Variants in C12orf42 observed in about 807,000 individuals in gnomAD.
The protein encoded by C12orf42 is uncharacterized protein C12orf42.
C12orf42 carries 25 observed loss-of-function variants against 21.6 expected under a neutral mutation model. That is an observed-to-expected ratio of 1.16 (90% CI 0.84 to 1.62). The LOEUF (loss-of-function observed/expected upper bound fraction) is 1.62, where lower values mean the gene tolerates loss of function less well. Ranked by LOEUF, C12orf42 falls within the 40% of genes most tolerant of loss-of-function variation. The pLI, the probability that C12orf42 is intolerant of heterozygous loss-of-function variation, is 0.00. For missense variants in C12orf42, 483 were observed against 459.3 expected, an observed-to-expected ratio of 1.05 and a Z score of -0.47; for synonymous variants, 174 against 175.0, an observed-to-expected ratio of 0.99 and a Z score of 0.05.
intron 2 of C12orf42, among the ~76,000 whole-genome samples, chr12:103,427,303 A>T (rs1949909394): frequency 6.6e-6 from 1 of 152,016 alleles, no homozygotes; most frequent in South Asian, 2.1e-4. Context: ...AAGAAAAAAA[A>T]AAAAAGCAGC....
intron 1 of C12orf42, among the ~76,000 whole-genome samples, chr12:103,491,187 A>G (rs1252905954): frequency 6.6e-6 from 1 of 152,190 alleles, no homozygotes; most frequent in African/African-American, 2.4e-5. Context: ...AGCATTTTTC[A>G]TCTTTGTCAT....
At chr12:103,527,874 T>C in the C12orf42 span, among the ~76,000 whole-genome samples, 1 of 152,222 alleles carries the variant, frequency 6.6e-6, no homozygotes, top group Non-Finnish European at 1.5e-5. Context: ...ATCTCTGTTC[T>C]TTAACTTTTA....
chr12:103,214,974 A>G, the C12orf42 span, among the ~76,000 whole-genome samples: 1 of 152,168 alleles, frequency 6.6e-6, no homozygotes, highest in Non-Finnish European at 1.5e-5. Flanking sequence ...TAAATCTACT[A>G]TGCAACATTC....
At chr12:103,546,730 C>T in the C12orf42 span, among the ~76,000 whole-genome samples, 1 of 152,158 alleles carries the variant, frequency 6.6e-6, no homozygotes, top group Non-Finnish European at 1.5e-5. Context: ...CAAAATATGG[C>T]ACTTTGGCAT....
intron 2 of C12orf42, among the ~76,000 whole-genome samples, chr12:103,426,180 T>A (rs1044757371): frequency 5.3e-5 from 8 of 152,160 alleles, no homozygotes; most frequent in Non-Finnish European, 1.0e-4. Context: ...AAGGAGCATG[T>A]TCTAACCCAA....
intron 10 of C12orf42, among the ~76,000 whole-genome samples, chr12:103,255,509 T>C (rs2034518068): frequency 6.6e-6 from 1 of 152,218 alleles, no homozygotes. Context: ...CTATATATTT[T>C]TGAGAACTAT....
downstream of C12orf42, among the ~76,000 whole-genome samples, chr12:103,265,618 CAA>C (rs1288365096): frequency 2.0e-5 from 3 of 152,078 alleles, no homozygotes; most frequent in African/African-American, 7.2e-5. Context: ...TTACAGGTGA[CAA>C]AGACAAGATG....
At chr12:103,097,402 C>T in the C12orf42 span, among the ~76,000 whole-genome samples, 22 of 152,214 alleles carry the variant, frequency 1.4e-4, no homozygotes, top group South Asian at 4.1e-4. Context: ...TCTTAGGATT[C>T]GAATATAAGA....
intron 3 of C12orf42, among the ~76,000 whole-genome samples, chr12:103,374,665 G>A (rs1389460514): frequency 1.3e-5 from 2 of 152,162 alleles, no homozygotes; most frequent in African/African-American, 2.4e-5. Context: ...AATAACCAAT[G>A]AGAAAACACA....
chr12:103,174,057 T>A, the C12orf42 span, among the ~76,000 whole-genome samples: 1 of 152,220 alleles, frequency 6.6e-6, no homozygotes, highest in Admixed American at 6.5e-5. Context: ...GAAACAACAC[T>A]GCCTCTATTG....
chr12:103,180,561 ATAT>A, the C12orf42 span, among the ~76,000 whole-genome samples: 14,780 of 145,278 alleles, frequency 0.1, 852 homozygotes, highest in East Asian at 0.21. Flanking sequence ...ACCTTCTGTG[ATAT>A]TGAGAATTCC....
chr12:103,297,700 C>T (rs1418592270), downstream of C12orf42, among the ~76,000 whole-genome samples: 5 of 151,608 alleles, frequency 3.3e-5, no homozygotes, highest in African/African-American at 7.3e-5. Flanking sequence ...ATGCAAAAAT[C>T]CTCAATAAAA....
intron 4 of C12orf42, among the ~76,000 whole-genome samples, chr12:103,336,070 T>C (rs900555644): frequency 1.2e-4 from 18 of 151,864 alleles, no homozygotes; most frequent in African/African-American, 4.3e-4. Context: ...ATTTGTTGAA[T>C]AAATACTTTA....
chr12:103,530,630 G>GGC, the C12orf42 span, among the ~76,000 whole-genome samples: 6 of 152,106 alleles, frequency 3.9e-5, no homozygotes, highest in Admixed American at 2.6e-4. Context: ...AGTGTTCGGG[G>GGC]GGGGAAAACC....
At chr12:103,135,229 T>C in the C12orf42 span, among the ~76,000 whole-genome samples, 1 of 151,946 alleles carries the variant, frequency 6.6e-6, no homozygotes, top group Non-Finnish European at 1.5e-5. Context: ...TAGACGCAGG[T>C]GGATCACTGG....
chr12:103,103,628 A>AC, the C12orf42 span, among the ~76,000 whole-genome samples: 1 of 151,574 alleles, frequency 6.6e-6, no homozygotes, highest in Non-Finnish European at 1.5e-5. Flanking sequence ...TGAGCCCAAT[A>AC]TTTTTTTTTC....
chr12:103,277,253 C>G (rs73385667), intron 4 of C12orf42: 12,050 of 404,826 alleles, frequency 0.03, 620 homozygotes, highest in African/African-American at 0.16. Flanking sequence ...GAAAGAATAA[C>G]TGTATATTAA....
At chr12:103,249,879 A>T (rs1381686790) in intron 10 of C12orf42, among the ~76,000 whole-genome samples, 1 of 152,142 alleles carries the variant, frequency 6.6e-6, no homozygotes, top group Non-Finnish European at 1.5e-5. Flanking sequence ...AAAGAGTTAC[A>T]AATGTCAACA....
intron 4 of C12orf42, among the ~76,000 whole-genome samples, chr12:103,310,357 C>G (rs1723945772): frequency 6.6e-6 from 1 of 152,164 alleles, no homozygotes; most frequent in Non-Finnish European, 1.5e-5. Context: ...AATCTCTTTT[C>G]TTTGTAAATG....
Sources: allele counts gnomAD v4.1 joint callset (sites outside exome capture counted in the v4.1 genomes callset), GRCh38; gene constraint gnomAD v4.1.1; transcripts MANE v1.5; gene names NCBI Gene and HGNC (gene_info 2026-07-23, HGNC 2026-07-21).